Variants in BAHCC1 observed in about 807,000 individuals in gnomAD.
The protein encoded by BAHCC1 is BAH and coiled-coil domain-containing protein 1.
Under a neutral mutation model 88.2 loss-of-function variants are expected in BAHCC1, and 43 were observed. The observed-to-expected ratio is 0.49, with a 90% confidence interval of 0.38 to 0.63. The LOEUF is 0.63. Among genes scored for constraint, BAHCC1 ranks in the 20% least tolerant of loss-of-function variants. BAHCC1 has a pLI of 0.00. For synonymous variants in BAHCC1, 1,510 were observed against 745.5 expected, an observed-to-expected ratio of 2.03 and a Z score of -16.71; for missense variants, 3,023 against 1,654.8, an observed-to-expected ratio of 1.83 and a Z score of -14.34.
chr17:81,451,998 C>T lies in BAHCC1; in HGVS notation c.4207C>T (p.Arg1403Trp), dbSNP rs1376325217. Reference protein sequence around the residue: ...PVCPLKAAIDRLDTQEVGMRV... With the variant: ...PVCPLKAAIDWLDTQEVGMRV... ...GTGCCCCCTGAAGGCCGCCATCGAC[C>T]GGCTGGACACGCAGGAGGTGGGGAT... The change falls in exon 13 of 28, where the codon CGG becomes TGG. Residue 1403 changes from arginine to tryptophan, a missense_variant. By Grantham distance (101) the Arg-to-Trp change is moderately radical. Coordinates refer to ENST00000675386, the MANE Select transcript of BAHCC1 (RefSeq NM_001377448.1). The T allele has an allele frequency of 1.1e-5, 7 of 634,566 alleles. No homozygotes were observed. In the East Asian group the frequency reaches 1.7e-4, roughly 15 times the overall value. The allele number at this position is 634,566 out of a possible 1,614,324, so 39.3% of individuals were successfully genotyped here.
chr17:81,463,281 C>T (rs952683816), intron 27 of BAHCC1, among the ~76,000 whole-genome samples: 4 of 152,216 alleles, frequency 2.6e-5, no homozygotes, highest in African/African-American at 9.7e-5. Flanking sequence ...CCAGTGCCAG[C>T]CTGAGACAGA....
intron 2 of BAHCC1, among the ~76,000 whole-genome samples, chr17:81,403,789 G>A (rs2063845996): frequency 6.6e-6 from 1 of 152,226 alleles, no homozygotes; most frequent in African/African-American, 2.4e-5. Context: ...GTTGCCGCGA[G>A]CCCAAAGGAG....
chr17:81,420,477 T>C (rs1356287353), intron 2 of BAHCC1, among the ~76,000 whole-genome samples: 1 of 152,236 alleles, frequency 6.6e-6, no homozygotes, highest in Non-Finnish European at 1.5e-5. Context: ...CCTGGTCTAG[T>C]TGGCTGGACC....
At chr17:81,414,094 G>A (rs1257600858) in intron 2 of BAHCC1, among the ~76,000 whole-genome samples, 1 of 152,208 alleles carries the variant, frequency 6.6e-6, no homozygotes, top group East Asian at 1.9e-4. Context: ...GGTGCCTTCT[G>A]AGCCCTGACC....
chr17:81,463,714 G>T lies in BAHCC1; in HGVS notation c.7724G>T (p.Ser2575Ile), dbSNP rs367839436. 3.8e-6 allele frequency: 3 copies of T among 779,422 alleles called. No individual in the cohort carries two copies. The African/African-American group carries it at 5.1e-5, about 13-fold the overall frequency. The allele number at this position is 779,422 out of a possible 1,614,324, so 48.3% of individuals were successfully genotyped here. A position where few individuals can be genotyped will look rare whatever the true frequency, so the allele number is the denominator to read the frequency against. ...AREQYEQMAR[S>I]RKCQDRQDLY... is the part of the protein sequence containing the mutation. ...GAGCAGTATGAGCAGATGGCCCGGA[G>T]CCGCAAGTGCCAGGACCGGCAGGAC... Residue 2575 changes from serine (S) to isoleucine (I), a missense_variant, in exon 28 of 28, where the codon AGC becomes ATC. Physicochemically the swap from Ser to Ile is moderately radical, Grantham distance 142 (BLOSUM62 -2). Transcript: ENST00000675386.
rs1275133972 is a variant in BAHCC1 at position 81,447,291 on chromosome 17, G to A, written c.3419G>A (p.Gly1140Glu). 1.4e-6 allele frequency: 1 copy of A among 732,624 alleles called. No homozygotes were observed. Among genetic ancestry groups the A allele is most frequent in the Non-Finnish European group, 2.5e-6 (1 of 396,644 alleles). 45.4% of individuals were successfully genotyped at this position (732,624 alleles called of 1,614,324 possible). A position where few individuals can be genotyped will look rare whatever the true frequency, so the allele number is the denominator to read the frequency against. Residue 1140 changes from glycine (G) to glutamate (E), a missense_variant, in exon 11 of 28, where the codon GGA (glycine) becomes GAA (glutamate). Physicochemically the swap from Gly to Glu is moderately conservative, Grantham distance 98. Transcript: ENST00000675386. ...GCCACCCCCTACCCTACCGAGCGGG[G>A]ACCCCAGGGGAAGGCAGCGGACCCC... is the stretch of plus-strand genomic sequence containing the variant. ...LAATPYPTER[G>E]PQGKAADPSP...
chr17:81,462,735 C>G lies in BAHCC1; in HGVS notation c.7384-5C>G, dbSNP rs781903708. ...TCAGAGCCACCCTGCCCATGTCCCC[C>G]ACAGCGGCGTGGCATGAAGGGGAAG... On this transcript the variant is annotated splice_region_variant and splice_polypyrimidine_tract_variant and intron_variant, in intron 26 of 27. Transcript: ENST00000675386. The G allele has an allele frequency of 1.3e-6, 1 of 748,050 alleles. No homozygotes were observed. Among genetic ancestry groups the G allele is most frequent in the African/African-American group, 1.7e-5 (1 of 58,900 alleles). 46.3% of individuals were successfully genotyped at this position (748,050 alleles called of 1,614,324 possible).
rs1180553524 is a variant in BAHCC1, at chr17:81,463,936, T to C, written c.*119T>C. 4 of 649,608 alleles carry C rather than the reference T, an allele frequency of 6.2e-6. No homozygotes were observed. In the African/African-American group the frequency reaches 7.2e-5, roughly 12 times the overall value. The allele number at this position is 649,608 out of a possible 1,614,324, so 40.2% of individuals were successfully genotyped here. A position where few individuals can be genotyped will look rare whatever the true frequency, so the allele number is the denominator to read the frequency against. ...TCCCAAGGGCGCATCTGAGCAAATATGCAAAAGCCCACAGGGCAAGACCCA... is the reference window on the plus strand; with the variant it reads ...TCCCAAGGGCGCATCTGAGCAAATACGCAAAAGCCCACAGGGCAAGACCCA... On this transcript the variant is annotated 3_prime_UTR_variant, in exon 28 of 28. Coordinates refer to ENST00000675386, the MANE Select transcript of BAHCC1 (RefSeq NM_001377448.1).
intron 1 of BAHCC1, chr17:81,396,075 C>A (rs2063743367): frequency 6.6e-6 from 1 of 152,270 alleles, no homozygotes; most frequent in Non-Finnish European, 1.5e-5. Context: ...GGGTGACCCA[C>A]GAACGAACCC....
intron 10 of BAHCC1, 81 bp downstream of exon 10, chr17:81,445,762 C>T (rs1197752138): frequency 1.8e-5 from 12 of 663,536 alleles, no homozygotes; most frequent in Admixed American, 9.2e-5. Flanking sequence ...GCGCTGAATC[C>T]GGGCTGCCTG....
chr17:81,454,696 ACCCGCCAAGGGCCGGGC>A (rs2064713788), intron 14 of BAHCC1, among the ~76,000 whole-genome samples: 1 of 151,716 alleles, frequency 6.6e-6, no homozygotes, highest in Non-Finnish European at 1.5e-5. Context: ...GGCCCTGAAC[ACCCGCCAAGGGCCGGGC>A]CCGGCCTGCA....
chr17:81,460,755 G>A, intron 25 of BAHCC1, 49 bp downstream of exon 25: 1 of 776,538 alleles, frequency 1.3e-6, no homozygotes, highest in East Asian at 2.4e-5. Flanking sequence ...GCACCCTCTG[G>A]GGGCTGGGGG....
chr17:81,407,403 C>T (rs782185614), intron 2 of BAHCC1: 1 of 520,054 alleles, frequency 1.9e-6, no homozygotes, highest in South Asian at 1.4e-5. Flanking sequence ...CCCTCTCTCT[C>T]CGGTCCTTGG....
rs971408051 is a variant in BAHCC1, at chr17:81,456,302, G to A, written c.4575G>A (p.Lys1525=). The change falls in exon 16 of 28, where the codon AAG becomes AAA. Residue 1525 remains lysine (K), a synonymous_variant. Transcript: ENST00000675386. ...CTGCCCCTCCCTGTTCACAGGAGAA[G>A]GCGCAGTGTAAGAAGAGCAGCTGTC... ...YAGLQTASVE[K]AQCKKSSCQG... 1.4e-5 allele frequency: 10 copies of A among 716,018 alleles called. No individual in the cohort carries two copies. Among genetic ancestry groups the A allele is most frequent in the Non-Finnish European group, 2.6e-5 (10 of 385,102 alleles). The allele number at this position is 716,018 out of a possible 1,614,324, so 44.4% of individuals were successfully genotyped here.
At chr17:81,425,380 G>GCGA (rs1568007408) in intron 2 of BAHCC1, among the ~76,000 whole-genome samples, 4 of 20,922 alleles carry the variant, frequency 1.9e-4, no homozygotes, top group African/African-American at 4.7e-4. Context: ...GTGGTTGGTG[G>GCGA]TGTGGTTGGT....
rs574607733 is a variant in BAHCC1, at chr17:81,397,296, G to A, written c.-207+1661G>A. Among the ~76,000 whole-genome samples the A allele has an allele frequency of 2.6e-5, 4 of 152,238 alleles. No homozygotes were observed. In the South Asian group the frequency reaches 6.2e-4, roughly 24 times the overall value. Reference sequence around the variant, plus strand: ...CAATCGGGCCTGCGATCCGCCCGCAGGGGGTGGGAGATTAAAATTGTTGCT... The same window carrying A: ...CAATCGGGCCTGCGATCCGCCCGCAAGGGGTGGGAGATTAAAATTGTTGCT... On this transcript the variant is annotated intron_variant, in intron 1 of 27. Transcript: ENST00000675386.
intron 4 of BAHCC1, among the ~76,000 whole-genome samples, chr17:81,440,409 C>T (rs1258449361): frequency 5.9e-5 from 9 of 152,254 alleles, no homozygotes; most frequent in African/African-American, 1.9e-4. Flanking sequence ...TTCGCTGGGG[C>T]TAGCCCCTTC....
chr17:81,444,001 G>A (rs1898018935), intron 6 of BAHCC1, 84 bp downstream of exon 6: 4 of 682,312 alleles, frequency 5.9e-6, no homozygotes, highest in Non-Finnish European at 5.4e-6. Flanking sequence ...GAGAAAGAGG[G>A]GTGGTCATGG....
chr17:81,424,533 G>A (rs1470192057), intron 2 of BAHCC1, among the ~76,000 whole-genome samples: 1 of 152,178 alleles, frequency 6.6e-6, no homozygotes, highest in South Asian at 2.1e-4. Flanking sequence ...GAGTGATGTG[G>A]TTATTGATGA....
Sources: gnomAD v4.1 joint callset for allele counts (sites outside exome capture counted in the v4.1 genomes callset) on GRCh38, gnomAD v4.1.1 for gene constraint, MANE v1.5 for transcripts, NCBI Gene and HGNC (gene_info 2026-07-23, HGNC 2026-07-21) for gene names.